The following NRXN3 variants were observed in gnomAD, a reference collection of about 807,000 sequenced individuals.
NRXN3 encodes the protein neurexin III.
Under a neutral mutation model 137.6 loss-of-function variants are expected in NRXN3, and 32 were observed. The observed-to-expected ratio is 0.23, with a 90% CI of 0.18 to 0.31. The LOEUF (loss-of-function observed/expected upper bound fraction) is 0.31, where lower values mean the gene tolerates loss of function less well. Among genes scored for constraint, NRXN3 ranks in the 10% least tolerant of loss-of-function variants. The pLI is 1.00. For synonymous variants in NRXN3, 798 were observed against 784.5 expected (o/e 1.02, Z -0.29); for missense variants, 1,574 against 2,062.5 (o/e 0.76, Z 4.59).
At chr14:78,953,878 A>G (rs1183056080) in intron 10 of NRXN3, among the ~76,000 whole-genome samples, 3 of 152,230 alleles carry the variant, frequency 2.0e-5, no homozygotes, top group Non-Finnish European at 4.4e-5. Context: ...AATGCAGGAA[A>G]GTTAATGGTT....
At chr14:79,629,547 G>T (rs1042857118) in intron 16 of NRXN3, among the ~76,000 whole-genome samples, 28 of 152,108 alleles carry the variant, frequency 1.8e-4, no homozygotes, top group African/African-American at 5.6e-4. Context: ...GAATCATGGT[G>T]GGGGGTAGGG....
At chr14:79,834,784 A>G (rs185283860) in intron 20 of NRXN3, among the ~76,000 whole-genome samples, 1 of 152,202 alleles carries the variant, frequency 6.6e-6, no homozygotes, top group African/African-American at 2.4e-5. Context: ...CCTGTGGAGC[A>G]TTTGTCTTTT....
intron 8 of NRXN3, among the ~76,000 whole-genome samples, chr14:78,772,249 A>C (rs1311305858): frequency 6.6e-6 from 1 of 152,244 alleles, no homozygotes; most frequent in Non-Finnish European, 1.5e-5. Flanking sequence ...AAATGTATGT[A>C]AATGAAAAGA....
At chr14:79,079,297 T>G (rs895017035) in intron 15 of NRXN3, among the ~76,000 whole-genome samples, 1 of 152,222 alleles carries the variant, frequency 6.6e-6, no homozygotes, top group African/African-American at 2.4e-5. Flanking sequence ...GCAGACTGAT[T>G]AGAAAACTGT....
chr14:78,451,040 A>G (rs1314689072), intron 4 of NRXN3, among the ~76,000 whole-genome samples: 1 of 152,118 alleles, frequency 6.6e-6, no homozygotes, highest in Non-Finnish European at 1.5e-5. Context: ...GAGATGGGGA[A>G]GGATGGGGTT....
intron 6 of NRXN3, among the ~76,000 whole-genome samples, chr14:78,678,907 T>C (rs1010880026): frequency 6.6e-6 from 1 of 152,174 alleles, no homozygotes; most frequent in African/African-American, 2.4e-5. Flanking sequence ...TGCTGTCTTT[T>C]AAATTTAGAA....
chr14:79,132,596 A>C (rs2057696729), intron 15 of NRXN3, among the ~76,000 whole-genome samples: 1 of 152,194 alleles, frequency 6.6e-6, no homozygotes, highest in Admixed American at 6.5e-5. Context: ...TTCCTCTTGG[A>C]CTGTGTTGGC....
At chr14:79,362,054 G>A (rs2153419059) in intron 15 of NRXN3, among the ~76,000 whole-genome samples, 1 of 147,294 alleles carries the variant, frequency 6.8e-6, no homozygotes, top group South Asian at 2.1e-4. Context: ...CTGCCTCCAG[G>A]TTTCCAACAA....
intron 3 of NRXN3, among the ~76,000 whole-genome samples, chr14:78,282,816 C>G (rs569215259): frequency 6.6e-6 from 1 of 152,320 alleles, no homozygotes; most frequent in Admixed American, 6.5e-5. Flanking sequence ...AGCCTGAACC[C>G]AAAGCTTGGA....
At chr14:79,223,063 C>T (rs1158071831) in intron 15 of NRXN3, among the ~76,000 whole-genome samples, 1 of 152,018 alleles carries the variant, frequency 6.6e-6, no homozygotes, top group Non-Finnish European at 1.5e-5. Context: ...TAGAGATTAT[C>T]TTCTATTATT....
chr14:78,403,089 C>T (rs572799819), intron 4 of NRXN3, among the ~76,000 whole-genome samples: 35 of 152,176 alleles, frequency 2.3e-4, no homozygotes, highest in African/African-American at 5.3e-4. Context: ...TTCAGCTAAC[C>T]GTGGGATTGG....
chr14:79,523,509 T>C (rs1239887259), intron 16 of NRXN3, among the ~76,000 whole-genome samples: 1 of 152,192 alleles, frequency 6.6e-6, no homozygotes, highest in Admixed American at 6.5e-5. Context: ...ATAAGTAAAA[T>C]GCTTCCCTTC....
chr14:79,464,785 TTGAAAGTGGTA>T (rs2096400131), intron 15 of NRXN3, among the ~76,000 whole-genome samples: 2 of 152,196 alleles, frequency 1.3e-5, no homozygotes, highest in Non-Finnish European at 2.9e-5. Context: ...GGCTGGAGAC[TTGAAAGTGGTA>T]CTATTTAAAT....
intron 16 of NRXN3, chr14:79,611,423 C>T (rs966336676): frequency 2.6e-5 from 4 of 152,188 alleles, no homozygotes; most frequent in African/African-American, 7.2e-5. Context: ...CACGGTGAAA[C>T]CCCGTCTCCA....
chr14:78,723,587 C>T (rs542975601), intron 8 of NRXN3, among the ~76,000 whole-genome samples: 23 of 152,286 alleles, frequency 1.5e-4, no homozygotes, highest in Middle Eastern at 3.4e-3. Flanking sequence ...ATGTATTTAC[C>T]TTCTCACCTT....
rs530642163 is a variant in NRXN3, at chr14:79,182,600, A to G, written c.3262+194459A>G. On this transcript the variant is annotated intron_variant, in intron 15 of 20. Transcript: ENST00000335750. ...GAGTGGGGAGCGGCTGTAAATACAG[A>G]TGAAGCTTTGCTTGCTCACCTGCTG... 8.5e-5 allele frequency among the ~76,000 whole-genome samples: 13 copies of G among 152,270 alleles called. No individual in the cohort carries two copies. In the East Asian group the frequency reaches 2.5e-3, roughly 29 times the overall value.
At chr14:78,658,881 G>T (rs1257096781) in intron 6 of NRXN3, among the ~76,000 whole-genome samples, 3 of 152,174 alleles carry the variant, frequency 2.0e-5, no homozygotes, top group Admixed American at 2.0e-4. Context: ...GTTGAGCAAG[G>T]TGGAAAGAAG....
At chr14:79,656,980 G>A (rs1390954107) in intron 16 of NRXN3, among the ~76,000 whole-genome samples, 1 of 152,094 alleles carries the variant, frequency 6.6e-6, no homozygotes, top group African/African-American at 2.4e-5. Context: ...TATAGGGAGT[G>A]TGCAAATGCC....
intron 6 of NRXN3, among the ~76,000 whole-genome samples, chr14:78,655,238 A>G (rs2097775541): frequency 6.6e-6 from 1 of 152,234 alleles, no homozygotes; most frequent in African/African-American, 2.4e-5. Flanking sequence ...CATTCTTAAG[A>G]AAAAAATGAA....
Sources: allele counts gnomAD v4.1 joint callset (sites outside exome capture counted in the v4.1 genomes callset), GRCh38; gene constraint gnomAD v4.1.1; transcripts MANE v1.5; gene names NCBI Gene and HGNC (gene_info 2026-07-23, HGNC 2026-07-21).